Variants in MON2 observed in about 807,000 individuals in gnomAD.
The protein encoded by MON2 is protein MON2 homolog.
MON2 carries 84 observed loss-of-function variants against 208.6 expected under a neutral mutation model. That is an observed-to-expected ratio of 0.40 (90% CI 0.34 to 0.48). The LOEUF (loss-of-function observed/expected upper bound fraction) is 0.48. MON2 is among the 20% of genes least tolerant of loss of function. The probability of loss-of-function intolerance (pLI) is 0.59; values close to 1 mark genes in which losing one functional copy is unlikely to be tolerated. For synonymous variants in MON2, 660 were observed against 694.0 expected (o/e 0.95, Z 0.77); for missense variants, 1,611 against 2,015.4 (o/e 0.80, Z 3.84).
intron 4 of MON2, among the ~76,000 whole-genome samples, chr12:62,495,717 A>G (rs1467286248): frequency 6.9e-6 from 1 of 143,940 alleles, no homozygotes; most frequent in South Asian, 2.2e-4. Context: ...AAAAAAAAAG[A>G]TACTGCCTTG....
chr12:62,561,308 C>T (rs1325041137), intron 26 of MON2, among the ~76,000 whole-genome samples, 195 bp downstream of exon 26: 1 of 152,010 alleles, frequency 6.6e-6, no homozygotes, highest in Non-Finnish European at 1.5e-5. Context: ...AAAGGTAATT[C>T]ATGTATGTTT....
rs533364066 is a variant in MON2 at position 62,512,503 on chromosome 12, C to G, written c.984+4023C>G. Among the ~76,000 whole-genome samples the G allele has an allele frequency of 1.5e-4, 23 of 152,312 alleles. No individual in the cohort carries two copies. The South Asian group carries it at 4.8e-3, about 32-fold the overall frequency. ...CTCCTTTGACTCCATGTCTGACATC[C>G]AGATCACACCGATGCAAGAGGAGGG... On this transcript the variant is annotated intron_variant, in intron 8 of 34. Coordinates refer to ENST00000393630, the MANE Select transcript of MON2 (RefSeq NM_015026.3).
intron 19 of MON2, among the ~76,000 whole-genome samples, chr12:62,542,059 C>T (rs1457120095): frequency 2.0e-5 from 3 of 152,114 alleles, no homozygotes; most frequent in Non-Finnish European, 4.4e-5. Context: ...AGATGAGATC[C>T]CAGTTAAAAC....
At chr12:62,519,982 A>AT (rs1395506145) in intron 8 of MON2, among the ~76,000 whole-genome samples, 2 of 152,070 alleles carry the variant, frequency 1.3e-5, no homozygotes, top group African/African-American at 2.4e-5. Context: ...CGCCCGGCTA[A>AT]TTTTTTGTAT....
intron 8 of MON2, among the ~76,000 whole-genome samples, chr12:62,516,204 G>A (rs2071680764): frequency 6.6e-6 from 1 of 152,170 alleles, no homozygotes; most frequent in African/African-American, 2.4e-5. Flanking sequence ...TCACTCGTTT[G>A]TAAGAGCTAA....
chr12:62,495,039 C>T lies in MON2; in HGVS notation c.327C>T (p.Asn109=). The change falls in exon 4 of 35, where the codon AAC becomes AAT. Residue 109 remains asparagine, a synonymous_variant. Coordinates refer to ENST00000393630, the MANE Select transcript of MON2 (RefSeq NM_015026.3). The stretch of plus-strand genomic sequence containing the variant: ...AGACTGCAGCTGGAAATATAATTAA[C>T]ATGCTTTGGCAGCTAATGGAGAATA... ...VSETAAGNII[N]MLWQLMENSL... is the part of the protein sequence containing the mutation. 1.2e-6 allele frequency: 2 copies of T among 1,608,120 alleles called. No homozygotes were observed. The highest frequency in any genetic ancestry group is 1.1e-5 in the South Asian group (1 of 90,510).
At chr12:62,525,403 C>T (rs1193645432) in intron 10 of MON2, among the ~76,000 whole-genome samples, 183 bp downstream of exon 10, 3 of 152,042 alleles carry the variant, frequency 2.0e-5, no homozygotes, top group African/African-American at 7.2e-5. Context: ...TTCTTTTTTC[C>T]AGAATAGATT....
intron 12 of MON2, among the ~76,000 whole-genome samples, chr12:62,532,928 C>CTG (rs1293871478): frequency 6.6e-6 from 1 of 152,080 alleles, no homozygotes; most frequent in Non-Finnish European, 1.5e-5. Context: ...GGTTAGTCTC[C>CTG]TGTGTATCAT....
At chr12:62,545,110 G>A in intron 21 of MON2, 102 bp downstream of exon 21, 1 of 658,398 alleles carries the variant, frequency 1.5e-6, no homozygotes, top group Non-Finnish European at 2.4e-6. Context: ...TAAGAGTAGG[G>A]TTTTTAACTT....
chr12:62,511,515 G>A (rs1371638087), intron 8 of MON2, among the ~76,000 whole-genome samples: 1 of 152,134 alleles, frequency 6.6e-6, no homozygotes, highest in Non-Finnish European at 1.5e-5. Context: ...AGTGGAGAAA[G>A]GATAGTCTCT....
rs779336031 is a variant in MON2 at position 62,467,305 on chromosome 12, C to T, written c.98C>T (p.Pro33Leu). The T allele has an allele frequency of 6.2e-7, 1 of 1,613,994 alleles. No individual in the cohort carries two copies. Among genetic ancestry groups the T allele is most frequent in the South Asian group, 1.1e-5 (1 of 91,078 alleles). The change falls in exon 1 of 35, where the codon CCA becomes CTA. Residue 33 changes from proline to leucine, a missense_variant. Transcript: ENST00000393630. Reference protein sequence around the residue: ...ALSLECKKKFPPVKEAAESGI... With the variant: ...ALSLECKKKFLPVKEAAESGI... The stretch of plus-strand genomic sequence containing the variant: ...TCACTGGAGTGCAAGAAGAAATTCC[C>T]ACCTGTCAAAGAGGTAAGCTTCAGG...
At chr12:62,576,978 T>C (rs554423850) in intron 30 of MON2, among the ~76,000 whole-genome samples, 3 of 151,896 alleles carry the variant, frequency 2.0e-5, no homozygotes, top group Admixed American at 6.6e-5. Flanking sequence ...ACTAATAATA[T>C]AGAAATATAC....
Position 62,599,888 on chromosome 12 carries a change from T to C in MON2, c.*7139T>C, listed in dbSNP as rs917344120. The C allele has an allele frequency of 2.0e-5, 3 of 152,386 alleles. No individual in the cohort carries two copies. Among genetic ancestry groups the C allele is most frequent in the South Asian group, 2.1e-4 (1 of 4,830 alleles). The allele number at this position is 152,386 out of a possible 1,614,324, so 9.4% of individuals were successfully genotyped here. A position where few individuals can be genotyped will look rare whatever the true frequency, so the allele number is the denominator to read the frequency against. On this transcript the variant is annotated 3_prime_UTR_variant, in exon 35 of 35. Coordinates refer to ENST00000393630, the MANE Select transcript of MON2 (RefSeq NM_015026.3). ...AATACTGTGAAAAAAAGATTTGTCT[T>C]AACGATGACCTTGAAAGTTGCATTG...
chr12:62,494,451 A>G (rs2070357595), intron 3 of MON2, among the ~76,000 whole-genome samples: 1 of 152,208 alleles, frequency 6.6e-6, no homozygotes, highest in African/African-American at 2.4e-5. Flanking sequence ...ATGAGAAAAA[A>G]TATTTCTTAA....
chr12:62,540,141 G>A (rs1279973572), intron 19 of MON2, among the ~76,000 whole-genome samples: 1 of 152,028 alleles, frequency 6.6e-6, no homozygotes, highest in African/African-American at 2.4e-5. Context: ...AAGTTTATAT[G>A]GTAATGTTTT....
chr12:62,560,345 T>C, intron 25 of MON2, 146 bp from the exon 26 acceptor site: 1 of 747,080 alleles, frequency 1.3e-6, no homozygotes, highest in South Asian at 2.2e-5. Flanking sequence ...TTCCCATTGT[T>C]AGTACCTTAG....
intron 34 of MON2, among the ~76,000 whole-genome samples, chr12:62,589,490 T>C (rs150829739): frequency 6.5e-4 from 99 of 152,294 alleles, no homozygotes; most frequent in African/African-American, 2.3e-3. Flanking sequence ...AAGGGTATTA[T>C]ACTAAATCTT....
At chr12:62,504,284 G>A (rs1385761523) in intron 7 of MON2, among the ~76,000 whole-genome samples, 4 of 131,890 alleles carry the variant, frequency 3.0e-5, no homozygotes, top group Non-Finnish European at 4.6e-5. Flanking sequence ...TTGCTCTGTC[G>A]CCCAGGTTGG....
At chr12:62,524,477 G>T in intron 8 of MON2, 38 bp from the exon 9 acceptor site, 1 of 1,517,392 alleles carries the variant, frequency 6.6e-7, no homozygotes, top group South Asian at 1.1e-5. Flanking sequence ...TCTTCTCTTT[G>T]ATTCAAAGAA....
Sources: allele counts gnomAD v4.1 joint callset (sites outside exome capture counted in the v4.1 genomes callset), GRCh38; gene constraint gnomAD v4.1.1; transcripts MANE v1.5; gene names NCBI Gene and HGNC (gene_info 2026-07-23, HGNC 2026-07-21).